The following RASGRP3 variants were observed in gnomAD, a reference collection of about 807,000 sequenced individuals.
RASGRP3 encodes the protein RAS guanyl releasing protein 3.
In RASGRP3, 54 loss-of-function variants were observed where a neutral mutation model predicts 82.7. The observed-to-expected ratio is 0.65, with a 90% confidence interval of 0.52 to 0.82. The LOEUF (loss-of-function observed/expected upper bound fraction) is 0.82. Among genes scored for constraint, RASGRP3 ranks in the 40% least tolerant of loss-of-function variants. The probability of loss-of-function intolerance (pLI) is 0.00; values close to 1 mark genes in which losing one functional copy is unlikely to be tolerated. For synonymous variants in RASGRP3, 309 were observed against 300.5 expected, an observed-to-expected ratio of 1.03 and a Z score of -0.29; for missense variants, 861 against 828.9, an observed-to-expected ratio of 1.04 and a Z score of -0.48.
At chr2:33,501,100 G>A (rs1442231198) in intron 1 of RASGRP3, among the ~76,000 whole-genome samples, 4 of 152,106 alleles carry the variant, frequency 2.6e-5, no homozygotes, top group African/African-American at 9.7e-5. Context: ...TCAGTGCCTG[G>A]CAACCACTAA....
chr2:33,515,008 A>T lies in RASGRP3; in HGVS notation c.-127-2A>T. Reference sequence around the variant, plus strand: ...CTTTCTCTCTTTTTTCTTTTTTTTTAGAGTTTTCTTGAAGTACAACTAAGG... The same window carrying T: ...CTTTCTCTCTTTTTTCTTTTTTTTTTGAGTTTTCTTGAAGTACAACTAAGG... On this transcript the variant is annotated splice_acceptor_variant, in intron 2 of 17. Coordinates refer to ENST00000403687, the MANE Select transcript of RASGRP3 (RefSeq NM_001139488.2). LOFTEE classifies it low-confidence loss of function (5UTR_SPLICE). The T allele has an allele frequency of 2.5e-6, 2 of 797,860 alleles. No individual in the cohort carries two copies. The highest frequency in any genetic ancestry group is 2.4e-5 in the Admixed American group (1 of 42,372). 49.4% of individuals were successfully genotyped at this position (797,860 alleles called of 1,614,324 possible). A position where few individuals can be genotyped will look rare whatever the true frequency, so the allele number is the denominator to read the frequency against.
At chr2:33,516,363 T>C (rs1156654187) in intron 3 of RASGRP3, among the ~76,000 whole-genome samples, 179 bp from the exon 4 acceptor site, 2 of 152,162 alleles carry the variant, frequency 1.3e-5, no homozygotes, top group Admixed American at 1.3e-4. Flanking sequence ...GCCGAGATCA[T>C]GCCAGTGCAC....
chr2:33,536,782 A>T (rs1185447218), intron 11 of RASGRP3, among the ~76,000 whole-genome samples: 1 of 152,072 alleles, frequency 6.6e-6, no homozygotes, highest in Non-Finnish European at 1.5e-5. Context: ...CCCTTCACTG[A>T]GACTTGCGAC....
chr2:33,534,298 T>G, intron 10 of RASGRP3, 25 bp from the exon 11 acceptor site: 2 of 1,471,998 alleles, frequency 1.4e-6, no homozygotes, highest in Non-Finnish European at 1.9e-6. Flanking sequence ...ATCCGACATT[T>G]TTATCCCTTC....
intron 1 of RASGRP3, among the ~76,000 whole-genome samples, chr2:33,439,909 A>G (rs6759329): frequency 0.97 from 148,069 of 152,252 alleles, 72,147 homozygotes; most frequent in Middle Eastern, 1. Context: ...AGATCAGGGC[A>G]CCGAGGCCTG....
intron 2 of RASGRP3, among the ~76,000 whole-genome samples, chr2:33,460,135 A>G (rs1374986149): frequency 6.6e-6 from 1 of 152,256 alleles, no homozygotes; most frequent in African/African-American, 2.4e-5. Context: ...AAAACTGGGA[A>G]CATTTCAAAT....
chr2:33,553,372 G>T (rs934533862), intron 14 of RASGRP3, among the ~76,000 whole-genome samples: 3 of 152,130 alleles, frequency 2.0e-5, no homozygotes, highest in South Asian at 2.1e-4. Context: ...AGGACATCAT[G>T]AGCAATTAAA....
At chr2:33,474,743 C>T (rs568551885), upstream of RASGRP3, among the ~76,000 whole-genome samples, 27 of 152,358 alleles carry the variant, frequency 1.8e-4, no homozygotes, top group African/African-American at 6.5e-4. Context: ...AGAAGCCGAA[C>T]AGATGCCAGT....
chr2:33,557,664 C>A (rs1191775613), intron 15 of RASGRP3, among the ~76,000 whole-genome samples: 2 of 151,452 alleles, frequency 1.3e-5, no homozygotes, highest in Non-Finnish European at 2.9e-5. Flanking sequence ...GAGCCGAGAT[C>A]CCGCCACTGC....
chr2:33,513,624 A>G (rs1379101609), intron 2 of RASGRP3, among the ~76,000 whole-genome samples: 1 of 152,260 alleles, frequency 6.6e-6, no homozygotes, highest in African/African-American at 2.4e-5. Context: ...ATGTCTTACA[A>G]CATGACAGCC....
At chr2:33,562,641 A>T in intron 17 of RASGRP3, 88 bp from the exon 18 acceptor site, 3 of 1,430,786 alleles carry the variant, frequency 2.1e-6, no homozygotes, top group Non-Finnish European at 2.9e-6. Context: ...ATGTTCCCTC[A>T]AAGTCATCTG....
intron 1 of RASGRP3, among the ~76,000 whole-genome samples, chr2:33,494,485 A>G (rs1002605655): frequency 2.0e-5 from 3 of 152,204 alleles, no homozygotes; most frequent in African/African-American, 7.2e-5. Context: ...AATTATCCCA[A>G]AGGGTCTACC....
intron 1 of RASGRP3, among the ~76,000 whole-genome samples, chr2:33,488,901 C>T (rs1368238610): frequency 6.6e-6 from 1 of 151,972 alleles, no homozygotes; most frequent in African/African-American, 2.4e-5. Context: ...AGGCATTTGC[C>T]TACACAAGAA....
upstream of RASGRP3, among the ~76,000 whole-genome samples, chr2:33,475,497 A>G (rs1209247887): frequency 6.6e-6 from 1 of 152,234 alleles, no homozygotes. Context: ...CAGGCACATT[A>G]TGGTTCAGAA....
At chr2:33,455,845 G>T (rs987097934) in intron 2 of RASGRP3, among the ~76,000 whole-genome samples, 4 of 152,110 alleles carry the variant, frequency 2.6e-5, no homozygotes, top group Non-Finnish European at 5.9e-5. Context: ...ACACCTCCTG[G>T]GGGGAGGAAG....
intron 13 of RASGRP3, among the ~76,000 whole-genome samples, chr2:33,547,060 A>C (rs1276956383): frequency 1.2e-5 from 1 of 83,366 alleles, no homozygotes; most frequent in African/African-American, 5.3e-5. Context: ...AGGGAAAAAA[A>C]AAAAAAAAAA....
At chr2:33,557,329 T>C (rs1289883240) in intron 15 of RASGRP3, among the ~76,000 whole-genome samples, 2 of 152,232 alleles carry the variant, frequency 1.3e-5, no homozygotes, top group Non-Finnish European at 2.9e-5. Context: ...ACATATTTAC[T>C]GAGCATATGC....
upstream of RASGRP3, among the ~76,000 whole-genome samples, chr2:33,472,523 A>G (rs556271511): frequency 6.6e-6 from 1 of 152,192 alleles, no homozygotes; most frequent in Non-Finnish European, 1.5e-5. Flanking sequence ...GTAAGAGTGC[A>G]AGATGAGAAG....
At chr2:33,529,960 C>T (rs546675706) in intron 10 of RASGRP3, among the ~76,000 whole-genome samples, 39 of 152,264 alleles carry the variant, frequency 2.6e-4, no homozygotes, top group African/African-American at 9.4e-4. Flanking sequence ...CTTTCTCTGT[C>T]CCCACAGCCA....
Sources: gnomAD v4.1 joint callset for allele counts (sites outside exome capture counted in the v4.1 genomes callset) on GRCh38, gnomAD v4.1.1 for gene constraint, MANE v1.5 for transcripts, NCBI Gene and HGNC (gene_info 2026-07-23, HGNC 2026-07-21) for gene names.